The following HUWE1 variants were observed in gnomAD, a reference collection of about 807,000 sequenced individuals.
HUWE1 encodes the protein HECT, UBA and WWE domain containing E3 ubiquitin protein ligase 1, also known as E3 ubiquitin-protein ligase HUWE1.
Under a neutral mutation model 299.4 loss-of-function variants are expected in HUWE1, and 18 were observed. The observed-to-expected ratio is 0.06, with a 90% CI of 0.04 to 0.09. HUWE1 has a LOEUF of 0.09. Among genes scored for constraint, HUWE1 ranks in the 10% least tolerant of loss-of-function variants. The pLI is 1.00. For missense variants in HUWE1, 1,832 were observed against 3,462.3 expected (o/e 0.53, Z 11.82); for synonymous variants, 1,317 against 1,286.1 (o/e 1.02, Z -0.51).
chrX:53,655,044 A>G (rs1182328720), intron 3 of HUWE1, among the ~76,000 whole-genome samples: 1 of 111,781 alleles, frequency 8.9e-6, no homozygotes, highest in Non-Finnish European at 1.9e-5. Flanking sequence ...CAGCCTGATC[A>G]GATCCACTGT....
intron 47 of HUWE1, among the ~76,000 whole-genome samples, chrX:53,573,122 TTCTC>T (rs782304968): frequency 2.7e-5 from 3 of 111,849 alleles, no homozygotes; most frequent in Non-Finnish European, 3.8e-5. Flanking sequence ...TTCCTAACTG[TTCTC>T]TCTGACTCCA....
chrX:53,641,337 G>A (rs1278753484), intron 7 of HUWE1, among the ~76,000 whole-genome samples: 5 of 111,758 alleles, frequency 4.5e-5, no homozygotes, highest in Non-Finnish European at 9.4e-5. Flanking sequence ...AACTCACCCT[G>A]ATTCATTATC....
intron 73 of HUWE1, among the ~76,000 whole-genome samples, chrX:53,543,199 T>C (rs2061422080): frequency 9.0e-6 from 1 of 110,750 alleles, no homozygotes; most frequent in African/African-American, 3.3e-5. Flanking sequence ...ATACCTTTCT[T>C]GGATCTTGGA....
At chrX:53,662,607 A>C (rs1428283319) in intron 3 of HUWE1, among the ~76,000 whole-genome samples, 1 of 112,193 alleles carries the variant, frequency 8.9e-6, no homozygotes, top group Non-Finnish European at 1.9e-5. Context: ...AGCTCTCAGT[A>C]CCTAGCACGG....
chrX:53,678,678 G>A (rs2069957584), intron 3 of HUWE1, among the ~76,000 whole-genome samples: 1 of 111,976 alleles, frequency 8.9e-6, no homozygotes, highest in African/African-American at 3.2e-5. Flanking sequence ...ATGACAGCCA[G>A]GAACTCATTA....
At chrX:53,614,427 A>G in intron 23 of HUWE1, 107 bp downstream of exon 23, 1 of 628,759 alleles carries the variant, frequency 1.6e-6, no homozygotes, top group Non-Finnish European at 2.7e-6. Context: ...AAAATGATCT[A>G]ATACAACTCT....
At chrX:53,581,177 A>C in intron 42 of HUWE1, 151 bp from the exon 43 acceptor site, 1 of 488,860 alleles carries the variant, frequency 2.0e-6, no homozygotes, top group South Asian at 3.7e-5. Context: ...GATTCAAAAA[A>C]CCTGGCTTAT....
chrX:53,578,362 G>A (rs1556961769), intron 43 of HUWE1, among the ~76,000 whole-genome samples: 2 of 101,973 alleles, frequency 2.0e-5, no homozygotes, highest in African/African-American at 7.3e-5. Flanking sequence ...GTGGGGGGGG[G>A]TCAGCCCCCC....
intron 64 of HUWE1, 30 bp from the exon 65 acceptor site, chrX:53,551,219 T>C: frequency 3.3e-6 from 4 of 1,211,019 alleles, no homozygotes; most frequent in Non-Finnish European, 4.5e-6. Flanking sequence ...AATGAGGGCA[T>C]TTCTCCTGCC....
chrX:53,584,374 C>G, intron 40 of HUWE1, 29 bp from the exon 41 acceptor site: 1 of 1,164,361 alleles, frequency 8.6e-7, no homozygotes, highest in Non-Finnish European at 1.2e-6. Context: ...ATTAAAAAAA[C>G]CTCTACCAAA....
intron 48 of HUWE1, 49 bp from the exon 49 acceptor site, chrX:53,568,923 C>G (rs782649798): frequency 9.4e-7 from 1 of 1,060,422 alleles, no homozygotes; most frequent in Admixed American, 2.6e-5. Flanking sequence ...AGCCATTTCT[C>G]AGGCCAAGTC....
intron 74 of HUWE1, among the ~76,000 whole-genome samples, chrX:53,541,488 G>A (rs2061341644): frequency 9.0e-6 from 1 of 111,568 alleles, no homozygotes; most frequent in Admixed American, 9.5e-5. Context: ...CAGCTACTTG[G>A]GAGGCTGAGG....
chrX:53,561,600 T>C (rs2062296169), intron 55 of HUWE1, among the ~76,000 whole-genome samples, 156 bp downstream of exon 55: 2 of 111,800 alleles, frequency 1.8e-5, no homozygotes, highest in South Asian at 7.4e-4. Flanking sequence ...TATACACTAA[T>C]GAGACAGATG....
chrX:53,581,131 G>T, intron 42 of HUWE1, 105 bp from the exon 43 acceptor site: 1 of 705,930 alleles, frequency 1.4e-6, no homozygotes, highest in Non-Finnish European at 2.1e-6. Flanking sequence ...TGGGGAGAAT[G>T]ACATTTTATT....
In HUWE1 at chrX:53,580,809, G is replaced by T. The variant is rs370833370; in HGVS notation, c.5716+22C>A. On this transcript the variant is annotated intron_variant, in intron 43 of 83. Transcript: ENST00000262854. ...CCAGGCCACAAACTTAATATCAAAG[G>T]CCAGGAGCAAGCGAAACTTACCAGT... is the stretch of plus-strand genomic sequence containing the variant. The T allele has an allele frequency of 9.1e-6, 11 of 1,202,285 alleles. No homozygotes were observed. The East Asian group carries it at 2.4e-4, about 26-fold the overall frequency.
intron 46 of HUWE1, among the ~76,000 whole-genome samples, 158 bp from the exon 47 acceptor site, chrX:53,574,122 A>C: frequency 8.9e-6 from 1 of 112,520 alleles, no homozygotes; most frequent in Non-Finnish European, 1.9e-5. Flanking sequence ...GAACCAGGAT[A>C]ACTCAGGTCT....
intron 3 of HUWE1, among the ~76,000 whole-genome samples, chrX:53,669,510 A>G (rs1373481518): frequency 8.9e-6 from 1 of 112,506 alleles, no homozygotes; most frequent in Non-Finnish European, 1.9e-5. Flanking sequence ...TGGAAGTACA[A>G]TAACTAAGAT....
chrX:53,580,916 G>T lies in HUWE1; in HGVS notation c.5631C>A (p.Ala1877=). Residue 1877 remains alanine, a synonymous_variant, in exon 43 of 84, where the codon GCC becomes GCA. Coordinates refer to ENST00000262854, the MANE Select transcript of HUWE1 (RefSeq NM_031407.7). ...INYILRVLGP[A]ACRNPDIFTE... ...TGAATATGTCTGGATTGCGGCATGC[G>T]GCTGGCCCAAGGACACGAAGGATGT... is the stretch of plus-strand genomic sequence containing the variant. 8.3e-7 allele frequency: 1 copy of T among 1,211,336 alleles called. No individual in the cohort carries two copies. The highest frequency in any genetic ancestry group is 1.1e-6 in the Non-Finnish European group (1 of 895,255).
At chrX:53,641,064 T>C (rs2067556524) in intron 7 of HUWE1, among the ~76,000 whole-genome samples, 1 of 111,508 alleles carries the variant, frequency 9.0e-6, no homozygotes, top group Admixed American at 9.6e-5. Flanking sequence ...TTATCAAAGA[T>C]CTTAAAAGTC....
Sources: allele counts gnomAD v4.1 joint callset (sites outside exome capture counted in the v4.1 genomes callset), GRCh38; gene constraint gnomAD v4.1.1; transcripts MANE v1.5; gene names NCBI Gene and HGNC (gene_info 2026-07-23, HGNC 2026-07-21).